Variants in WWOX observed in about 807,000 individuals in gnomAD.
WWOX encodes WW domain-containing oxidoreductase.
WWOX carries 69 observed loss-of-function variants against 46.2 expected under a neutral mutation model. The ratio of observed to expected loss-of-function variants is 1.49; its 90% CI spans 1.23 to 1.82. The LOEUF is 1.82. WWOX is among the 40% of genes most tolerant of loss of function. The probability of loss-of-function intolerance (pLI) is 0.00; values close to 1 mark genes in which losing one functional copy is unlikely to be tolerated. For synonymous variants in WWOX, 359 were observed against 202.6 expected, an observed-to-expected ratio of 1.77 and a Z score of -6.56; for missense variants, 919 against 542.6, an observed-to-expected ratio of 1.69 and a Z score of -6.89.
At chr16:78,213,295 C>G (rs1033526617) in intron 5 of WWOX, among the ~76,000 whole-genome samples, 1 of 150,760 alleles carries the variant, frequency 6.6e-6, no homozygotes, top group Non-Finnish European at 1.5e-5. Context: ...CCAGGCTGAC[C>G]TCAGCACCAT....
chr16:78,625,539 G>GT (rs1041066492), intron 8 of WWOX, among the ~76,000 whole-genome samples: 4 of 151,994 alleles, frequency 2.6e-5, no homozygotes, highest in Non-Finnish European at 5.9e-5. Context: ...TCCCATGTGT[G>GT]TAACAGCCAG....
At chr16:78,831,668 T>A (rs982041979) in intron 8 of WWOX, among the ~76,000 whole-genome samples, 1 of 152,230 alleles carries the variant, frequency 6.6e-6, no homozygotes, top group African/African-American at 2.4e-5. Flanking sequence ...ATCATAATAC[T>A]ATTTCCATTG....
intron 8 of WWOX, among the ~76,000 whole-genome samples, chr16:78,771,433 C>T (rs1421502461): frequency 6.6e-6 from 1 of 152,116 alleles, no homozygotes; most frequent in African/African-American, 2.4e-5. Flanking sequence ...GATGGTTGTT[C>T]AACATCATGA....
intron 8 of WWOX, among the ~76,000 whole-genome samples, chr16:78,511,571 A>C (rs533907279): frequency 6.6e-6 from 1 of 152,182 alleles, no homozygotes; most frequent in Non-Finnish European, 1.5e-5. Context: ...GCACGTCCTC[A>C]CTTACATCTC....
chr16:78,378,467 C>T (rs2081880691), intron 5 of WWOX, among the ~76,000 whole-genome samples: 1 of 152,160 alleles, frequency 6.6e-6, no homozygotes, highest in Non-Finnish European at 1.5e-5. Context: ...AAGATGCGAT[C>T]ACCCATTGCC....
chr16:78,812,890 C>G (rs894311070), intron 8 of WWOX, among the ~76,000 whole-genome samples: 1 of 152,110 alleles, frequency 6.6e-6, no homozygotes, highest in African/African-American at 2.4e-5. Flanking sequence ...TCTTCTTAAA[C>G]ACATATATTT....
At chr16:78,684,887 G>C (rs2047819337) in intron 8 of WWOX, among the ~76,000 whole-genome samples, 1 of 152,150 alleles carries the variant, frequency 6.6e-6, no homozygotes, top group Non-Finnish European at 1.5e-5. Flanking sequence ...TATAGTCAGA[G>C]CATAGGAACA....
At chr16:78,760,527 A>C (rs1326057316) in intron 8 of WWOX, among the ~76,000 whole-genome samples, 1 of 152,070 alleles carries the variant, frequency 6.6e-6, no homozygotes, top group Non-Finnish European at 1.5e-5. Context: ...CACTCCTCAA[A>C]CCTAAGCTTA....
chr16:78,801,623 ACAATTTCTCT>A (rs2050892607), intron 8 of WWOX, among the ~76,000 whole-genome samples: 1 of 152,164 alleles, frequency 6.6e-6, no homozygotes, highest in African/African-American at 2.4e-5. Flanking sequence ...CCCCACATTA[ACAATTTCTCT>A]CCTTAACTTT....
At chr16:78,954,329 G>C (rs28645712) in intron 8 of WWOX, among the ~76,000 whole-genome samples, 1 of 151,522 alleles carries the variant, frequency 6.6e-6, no homozygotes, top group Admixed American at 6.6e-5. Context: ...GATGGATGGA[G>C]GGATGGATGG....
intron 8 of WWOX, among the ~76,000 whole-genome samples, chr16:78,904,627 T>C (rs920492566): frequency 6.6e-6 from 1 of 152,140 alleles, no homozygotes; most frequent in Admixed American, 6.5e-5. Flanking sequence ...GGTGCTATGA[T>C]TACAGTGACC....
chr16:79,071,673 C>T (rs2048553895), intron 8 of WWOX, among the ~76,000 whole-genome samples: 1 of 152,252 alleles, frequency 6.6e-6, no homozygotes, highest in African/African-American at 2.4e-5. Flanking sequence ...TCTTTCTTGG[C>T]CTCCTGCCCC....
intron 8 of WWOX, among the ~76,000 whole-genome samples, chr16:78,901,615 G>A (rs983355217): frequency 6.6e-6 from 1 of 152,180 alleles, no homozygotes; most frequent in Non-Finnish European, 1.5e-5. Context: ...AGCCTCCTGA[G>A]TAACTAGGAC....
At chr16:78,641,228 C>T (rs968207525) in intron 8 of WWOX, among the ~76,000 whole-genome samples, 1 of 151,940 alleles carries the variant, frequency 6.6e-6, no homozygotes, top group African/African-American at 2.4e-5. Context: ...CTAAGTTTCC[C>T]CCAGGAGATT....
rs536423513 is a variant in WWOX, at chr16:79,043,905, A to T, written c.1057-167703A>T. ...AGGCCAGTAGTTGTAGCAAAAGTCC[A>T]GGGCTGCCGCTCATTCACTCTGCTC... On this transcript the variant is annotated intron_variant, in intron 8 of 8. Coordinates refer to ENST00000566780, the MANE Select transcript of WWOX (RefSeq NM_016373.4). 7.2e-5 allele frequency among the ~76,000 whole-genome samples: 11 copies of T among 152,350 alleles called. No homozygotes were observed. In the East Asian group the frequency reaches 2.1e-3, roughly 29 times the overall value.
At chr16:78,671,251 C>T (rs542892320) in intron 8 of WWOX, among the ~76,000 whole-genome samples, 4 of 152,118 alleles carry the variant, frequency 2.6e-5, no homozygotes, top group Admixed American at 1.3e-4. Flanking sequence ...GGCGAGACCC[C>T]GTCTCTACAA....
chr16:78,671,045 A>G (rs2047451167), intron 8 of WWOX, among the ~76,000 whole-genome samples: 1 of 152,130 alleles, frequency 6.6e-6, no homozygotes, highest in Non-Finnish European at 1.5e-5. Flanking sequence ...GCCTGCAAGC[A>G]TTTCTCCTGC....
chr16:78,136,816 ATATGTATAGC>A (rs1013359896), intron 4 of WWOX, among the ~76,000 whole-genome samples: 3 of 152,184 alleles, frequency 2.0e-5, no homozygotes, highest in African/African-American at 4.8e-5. Context: ...ATACTGGAGA[ATATGTATAGC>A]TGTGTGAGCT....
At chr16:78,209,900 G>A (rs534074192) in intron 5 of WWOX, among the ~76,000 whole-genome samples, 1 of 152,234 alleles carries the variant, frequency 6.6e-6, no homozygotes, top group Admixed American at 6.5e-5. Flanking sequence ...TTACATGTAA[G>A]TAGCAGAATA....
Sources: gnomAD v4.1 joint callset for allele counts (sites outside exome capture counted in the v4.1 genomes callset) on GRCh38, gnomAD v4.1.1 for gene constraint, MANE v1.5 for transcripts, NCBI Gene and HGNC (gene_info 2026-07-23, HGNC 2026-07-21) for gene names.